Variants in PDPR observed in about 807,000 individuals in gnomAD.
The protein encoded by PDPR is pyruvate dehydrogenase phosphatase regulatory subunit.
Under a neutral mutation model 102.2 loss-of-function variants are expected in PDPR, and 50 were observed. The ratio of observed to expected loss-of-function variants is 0.49; its 90% confidence interval spans 0.39 to 0.62. The LOEUF (loss-of-function observed/expected upper bound fraction) is 0.62, where lower values mean the gene tolerates loss of function less well. PDPR is among the 20% of genes least tolerant of loss of function. The pLI, the probability that PDPR is intolerant of heterozygous loss-of-function variation, is 0.00. For synonymous variants in PDPR, 259 were observed against 406.0 expected, an observed-to-expected ratio of 0.64 and a Z score of 4.35; for missense variants, 625 against 1,098.2, an observed-to-expected ratio of 0.57 and a Z score of 6.09.
intron 9 of PDPR, among the ~76,000 whole-genome samples, chr16:70,133,102 A>C: frequency 2.4e-5 from 3 of 127,106 alleles, no homozygotes; most frequent in Admixed American, 8.7e-5. Flanking sequence ...GAGCCATGAT[A>C]CCCAGCTGCT....
chr16:70,143,479 A>G lies in PDPR; in HGVS notation c.1606-31A>G, dbSNP rs551497565. 6.6e-4 allele frequency: 1,061 copies of G among 1,610,140 alleles called. 5 individuals carry two copies. The Admixed American group carries it at 0.017, about 25-fold the overall frequency. ...GGCCCAGCCAGGTGCTCTCACGCTC[A>G]CTCTCTCTGTTTCATTCCCTAACCC... is the stretch of plus-strand genomic sequence containing the variant. On this transcript the variant is annotated intron_variant, in intron 13 of 18. Coordinates refer to ENST00000288050, the MANE Select transcript of PDPR (RefSeq NM_017990.5).
rs1051655993 is a variant in PDPR at position 70,159,179 on chromosome 16, A to G, written c.*2300A>G. On this transcript the variant is annotated 3_prime_UTR_variant, in exon 19 of 19. Transcript: ENST00000288050. ...TGCCCTTGTTAATCTCCAACTAATT[A>G]CTACAGATTGACACGTTTTTAATTA... 3.3e-5 allele frequency: 5 copies of G among 152,348 alleles called. No individual in the cohort carries two copies. Among genetic ancestry groups the G allele is most frequent in the Non-Finnish European group, 5.9e-5 (4 of 68,068 alleles). 9.4% of individuals were successfully genotyped at this position (152,348 alleles called of 1,614,324 possible).
chr16:70,150,168 A>T (rs1361382748), intron 17 of PDPR, among the ~76,000 whole-genome samples: 4 of 133,894 alleles, frequency 3.0e-5, no homozygotes, highest in South Asian at 2.3e-4. Context: ...CGATGACATG[A>T]TCTAGGCTCA....
intron 9 of PDPR, among the ~76,000 whole-genome samples, chr16:70,134,407 G>A (rs1463720401): frequency 2.0e-5 from 3 of 151,806 alleles, no homozygotes; most frequent in Non-Finnish European, 4.4e-5. Context: ...TGTGTTTTTA[G>A]TAGAGATGGG....
intron 8 of PDPR, chr16:70,131,786 G>C: frequency 7.4e-7 from 1 of 1,357,620 alleles, no homozygotes; most frequent in Non-Finnish European, 9.5e-7. Flanking sequence ...CTGTAGGAGA[G>C]GGTTCTCACA....
intron 15 of PDPR, among the ~76,000 whole-genome samples, chr16:70,145,096 TA>T (rs1966116791): frequency 6.6e-6 from 1 of 151,340 alleles, no homozygotes; most frequent in South Asian, 2.1e-4. Context: ...CTACTAAAAA[TA>T]CAAAAATTAG....
At chr16:70,116,163 A>G (rs1286136554) in intron 2 of PDPR, among the ~76,000 whole-genome samples, 3 of 147,174 alleles carry the variant, frequency 2.0e-5, no homozygotes, top group Non-Finnish European at 4.5e-5. Flanking sequence ...TGCAGCCTCC[A>G]TCTCCCTGGT....
intron 2 of PDPR, among the ~76,000 whole-genome samples, chr16:70,115,518 A>C (rs1597278687): frequency 1.3e-5 from 2 of 152,302 alleles, no homozygotes; most frequent in South Asian, 4.1e-4. Context: ...GCCGAGGTGG[A>C]CCGTGGGAAT....
intron 17 of PDPR, among the ~76,000 whole-genome samples, chr16:70,151,286 A>G (rs909669855): frequency 5.3e-5 from 8 of 152,220 alleles, no homozygotes; most frequent in African/African-American, 1.7e-4. Context: ...CCCAGGCTGG[A>G]CTCTAACTCC....
chr16:70,141,303 C>G (rs552712030), intron 11 of PDPR, among the ~76,000 whole-genome samples: 43 of 152,364 alleles, frequency 2.8e-4, no homozygotes, highest in Middle Eastern at 3.4e-3. Flanking sequence ...CCGCCCACCT[C>G]GACCTCTCAG....
rs1221246270 is a variant in PDPR, at chr16:70,131,902, C to A, written c.848-249C>A. 7 of 1,460,944 alleles carry A rather than the reference C, an allele frequency of 4.8e-6. 1 individual carries two copies. The highest frequency in any genetic ancestry group is 1.2e-5 in the South Asian group (1 of 82,376). 90.5% of individuals were successfully genotyped at this position (1,460,944 alleles called of 1,614,324 possible). On this transcript the variant is annotated intron_variant, in intron 8 of 18. Transcript: ENST00000288050. ...ACGTGGTTTGCTTGTGGGGACTAGT[C>A]AAAGCTTCTAGGTAAGGGATAATCA...
intron 13 of PDPR, among the ~76,000 whole-genome samples, chr16:70,143,266 TAACA>T (rs1300670729): frequency 6.6e-6 from 1 of 152,298 alleles, no homozygotes; most frequent in African/African-American, 2.4e-5. Context: ...ATCTGTATTG[TAACA>T]TTTTTCTGAA....
chr16:70,135,741 T>C (rs1247299981), intron 9 of PDPR, among the ~76,000 whole-genome samples: 1 of 152,258 alleles, frequency 6.6e-6, no homozygotes, highest in Admixed American at 6.5e-5. Context: ...GTTTCTGCTT[T>C]GTGATAAATG....
chr16:70,132,274 A>G lies in PDPR; in HGVS notation c.971A>G (p.Asn324Ser), dbSNP rs1359544346. 6.2e-7 allele frequency: 1 copy of G among 1,613,882 alleles called. No individual in the cohort carries two copies. Among genetic ancestry groups the G allele is most frequent in the Non-Finnish European group, 8.5e-7 (1 of 1,179,840 alleles). Residue 324 changes from asparagine (N) to serine (S), a missense_variant, in exon 9 of 19, where the codon AAT (asparagine) becomes AGT (serine). Asn to Ser is a conservative substitution (Grantham distance 46). Around this residue, in one of 11 missense-constraint regions of PDPR, gnomAD observed 50 missense variants for 79.9 expected, o/e 0.63. Transcript: ENST00000288050. Reference sequence around the variant, plus strand: ...GGCAAGAACCAGCTGGAGATTCAGAATCTACAGGAAGACTGGGATCACTTT... The same window carrying G: ...GGCAAGAACCAGCTGGAGATTCAGAGTCTACAGGAAGACTGGGATCACTTT... ...TEGKNQLEIQ[N>S]LQEDWDHFEP...
chr16:70,162,844 A>C (rs1967912429), downstream of PDPR, among the ~76,000 whole-genome samples: 1 of 152,280 alleles, frequency 6.6e-6, no homozygotes, highest in African/African-American at 2.4e-5. Context: ...TGTGGAAAGC[A>C]AGGGGGGTCG....
intron 11 of PDPR, among the ~76,000 whole-genome samples, chr16:70,140,379 T>C (rs1385702357): frequency 6.6e-6 from 1 of 152,290 alleles, no homozygotes; most frequent in East Asian, 1.9e-4. Flanking sequence ...TTTTTTGTTT[T>C]AAAGTTGAAC....
At chr16:70,121,845 G>C (rs930829280) in intron 3 of PDPR, among the ~76,000 whole-genome samples, 1 of 151,666 alleles carries the variant, frequency 6.6e-6, no homozygotes, top group Non-Finnish European at 1.5e-5. Flanking sequence ...GCTGACTGTA[G>C]CCTTGACCTC....
At position 70,157,435 on chromosome 16, in the gene PDPR, A is replaced by C; in HGVS notation, c.*556A>C. On this transcript the variant is annotated 3_prime_UTR_variant, in exon 19 of 19. Coordinates refer to ENST00000288050, the MANE Select transcript of PDPR (RefSeq NM_017990.5). The stretch of plus-strand genomic sequence containing the variant: ...ACCTCTGGCAAGAGGATGATTATCT[A>C]CCTCACTGATAAGAGGCATCGCATG... The C allele has an allele frequency of 2.8e-6, 1 of 352,262 alleles. No homozygotes were observed. The highest frequency in any genetic ancestry group is 5.6e-6 in the Non-Finnish European group (1 of 179,628). 21.8% of individuals were successfully genotyped at this position (352,262 alleles called of 1,614,324 possible).
At chr16:70,151,162 C>T (rs1966707927) in intron 17 of PDPR, among the ~76,000 whole-genome samples, 1 of 152,248 alleles carries the variant, frequency 6.6e-6, no homozygotes, top group Non-Finnish European at 1.5e-5. Flanking sequence ...TCTCAATCGC[C>T]TGACCTCGTG....
Sources: gnomAD v4.1 joint callset for allele counts (sites outside exome capture counted in the v4.1 genomes callset) on GRCh38, gnomAD v4.1.1 for gene constraint, gnomAD v4.1.1 regional missense constraint, MANE v1.5 for transcripts, NCBI Gene and HGNC (gene_info 2026-07-23, HGNC 2026-07-21) for gene names.